Variants in BUB1B observed in about 807,000 individuals in gnomAD.
BUB1B encodes mitotic checkpoint serine/threonine-protein kinase BUB1 beta.
In BUB1B, 86 loss-of-function variants were observed where a neutral mutation model predicts 137.7. That is an observed-to-expected ratio of 0.62 (90% confidence interval 0.52 to 0.75). The LOEUF (loss-of-function observed/expected upper bound fraction) is 0.75. Ranked by LOEUF, BUB1B falls within the 30% of genes least tolerant of loss-of-function variation. BUB1B has a pLI of 0.00. For synonymous variants in BUB1B, 420 were observed against 417.9 expected, an observed-to-expected ratio of 1.00 and a Z score of -0.06; for missense variants, 1,130 against 1,236.9, an observed-to-expected ratio of 0.91 and a Z score of 1.30.
chr15:40,179,924 T>C (rs1423167999), intron 5 of BUB1B, among the ~76,000 whole-genome samples: 1 of 151,440 alleles, frequency 6.6e-6, no homozygotes, highest in Non-Finnish European at 1.5e-5. Context: ...TCTATATGCA[T>C]TGAAAACCCC....
At chr15:40,199,040 A>G (rs1047977812) in intron 9 of BUB1B, among the ~76,000 whole-genome samples, 3 of 152,194 alleles carry the variant, frequency 2.0e-5, no homozygotes, top group Admixed American at 2.0e-4. Flanking sequence ...ATTCTTAGAC[A>G]CAGTGGTCTT....
intron 18 of BUB1B, among the ~76,000 whole-genome samples, chr15:40,210,472 T>C (rs1335836365): frequency 6.6e-6 from 1 of 152,184 alleles, no homozygotes; most frequent in African/African-American, 2.4e-5. Context: ...TCATCCTAGG[T>C]ATTCACATTA....
chr15:40,199,831 T>C, intron 10 of BUB1B, 104 bp downstream of exon 10: 1 of 904,046 alleles, frequency 1.1e-6, no homozygotes. Flanking sequence ...ATTTAGAGTT[T>C]CTGGTAGTTT....
At chr15:40,184,278 A>T (rs2037332797) in intron 6 of BUB1B, among the ~76,000 whole-genome samples, 1 of 152,104 alleles carries the variant, frequency 6.6e-6, no homozygotes, top group South Asian at 2.1e-4. Flanking sequence ...TATATACCCA[A>T]AGATCAGCAA....
chr15:40,193,468 C>CTT lies in BUB1B; in HGVS notation c.1059-3054_1059-3053dup, dbSNP rs555918648. Among the ~76,000 whole-genome samples, 695 of 79,612 alleles carry CTT rather than the reference C, an allele frequency of 8.7e-3. 7 individuals are homozygous for CTT. The highest frequency in any genetic ancestry group is 0.015 in the African/African-American group (294 of 19,914). 52.2% of individuals were successfully genotyped at this position (79,612 alleles called of 152,430 possible). A position where few individuals can be genotyped will look rare whatever the true frequency, so the allele number is the denominator to read the frequency against. ...TTTTTTTTTTATATGCTTATTACCA[C>CTT]TTTTTTTTTTTTTTTTTTTTTTTTC... is the stretch of plus-strand genomic sequence containing the variant. On this transcript the variant is annotated intron_variant, in intron 8 of 22. Transcript: ENST00000287598.
At chr15:40,180,809 C>G (rs969739207) in intron 5 of BUB1B, among the ~76,000 whole-genome samples, 11 of 151,676 alleles carry the variant, frequency 7.3e-5, no homozygotes, top group Admixed American at 2.0e-4. Flanking sequence ...GCCACCACGG[C>G]TGGCTAATTT....
intron 14 of BUB1B, among the ~76,000 whole-genome samples, chr15:40,205,191 C>T (rs1266684428): frequency 6.6e-6 from 1 of 152,158 alleles, no homozygotes; most frequent in South Asian, 2.1e-4. Flanking sequence ...AGGTGATCCA[C>T]CCAACTCAGC....
At chr15:40,168,952 C>A (rs1295257462) in intron 2 of BUB1B, among the ~76,000 whole-genome samples, 1 of 152,216 alleles carries the variant, frequency 6.6e-6, no homozygotes, top group Non-Finnish European at 1.5e-5. Flanking sequence ...CCATTCTTGG[C>A]AACTGTAATT....
chr15:40,213,680 C>T (rs985064147), intron 20 of BUB1B, among the ~76,000 whole-genome samples: 2 of 152,078 alleles, frequency 1.3e-5, no homozygotes, highest in Non-Finnish European at 2.9e-5. Flanking sequence ...GGACCACAGG[C>T]GCGCACCACC....
chr15:40,173,255 G>C lies in BUB1B; in HGVS notation c.384+2574G>C, dbSNP rs531216572. Among the ~76,000 whole-genome samples the C allele has an allele frequency of 4.9e-5, 7 of 141,736 alleles. 1 individual carries two copies. In the South Asian group the frequency reaches 1.5e-3, roughly 31 times the overall value. 93.0% of individuals were successfully genotyped at this position (141,736 alleles called of 152,430 possible). ...ACTGAGATCATGCCACTGTACTCCA[G>C]CCTGGGCGACAGAGCGAGACTCAGT... On this transcript the variant is annotated intron_variant, in intron 4 of 22. Transcript: ENST00000287598.
At chr15:40,216,948 G>T (rs2037801583) in intron 20 of BUB1B, among the ~76,000 whole-genome samples, 1 of 152,014 alleles carries the variant, frequency 6.6e-6, no homozygotes, top group Non-Finnish European at 1.5e-5. Flanking sequence ...GGAATTACAA[G>T]TAAGAGTAAG....
At chr15:40,213,283 G>T (rs771899908) in intron 19 of BUB1B, 49 bp from the exon 20 acceptor site, 2 of 1,604,248 alleles carry the variant, frequency 1.2e-6, no homozygotes, top group Admixed American at 1.7e-5. Flanking sequence ...GTATAACTAC[G>T]ATCTGCCAAA....
intron 8 of BUB1B, among the ~76,000 whole-genome samples, chr15:40,189,989 G>T (rs1284828319): frequency 1.3e-5 from 2 of 152,038 alleles, no homozygotes; most frequent in African/African-American, 4.8e-5. Flanking sequence ...AGGTTTATTG[G>T]CCTTTTGTAT....
chr15:40,214,120 C>T (rs1429319360), intron 20 of BUB1B, among the ~76,000 whole-genome samples: 1 of 152,068 alleles, frequency 6.6e-6, no homozygotes, highest in African/African-American at 2.4e-5. Flanking sequence ...GCGAGGATGC[C>T]AGCAAAATCA....
At chr15:40,193,468 CTTTTTTTT>C (rs555918648) in intron 8 of BUB1B, among the ~76,000 whole-genome samples, 2 of 79,738 alleles carry the variant, frequency 2.5e-5, no homozygotes, top group East Asian at 3.3e-4. Flanking sequence ...CTTATTACCA[CTTTTTTTT>C]TTTTTTTTTT....
intron 20 of BUB1B, among the ~76,000 whole-genome samples, chr15:40,216,843 G>A (rs987051491): frequency 2.6e-5 from 4 of 151,658 alleles, no homozygotes; most frequent in Non-Finnish European, 5.9e-5. Flanking sequence ...TGTCCCCTTG[G>A]AGAATAGCAT....
intron 14 of BUB1B, among the ~76,000 whole-genome samples, chr15:40,205,075 TAGC>T (rs1182157876): frequency 6.6e-6 from 1 of 150,922 alleles, no homozygotes; most frequent in Non-Finnish European, 1.5e-5. Context: ...GCCTCCCGAG[TAGC>T]TGGGATTACA....
intron 4 of BUB1B, 40 bp from the exon 5 acceptor site, chr15:40,176,437 G>T: frequency 7.6e-6 from 12 of 1,578,570 alleles, no homozygotes; most frequent in Non-Finnish European, 9.6e-6. Flanking sequence ...CATTCAATAC[G>T]TGAGTAGAAA....
At chr15:40,164,910 AT>A in intron 1 of BUB1B, 142 bp from the exon 2 acceptor site, 1 of 876,698 alleles carries the variant, frequency 1.1e-6, no homozygotes, top group Admixed American at 2.4e-5. Context: ...GCTTAGGCAT[AT>A]AATAATAATA....
Sources: allele counts gnomAD v4.1 joint callset (sites outside exome capture counted in the v4.1 genomes callset), GRCh38; gene constraint gnomAD v4.1.1; transcripts MANE v1.5; gene names NCBI Gene and HGNC (gene_info 2026-07-23, HGNC 2026-07-21).